Variants in CSMD1 observed in about 807,000 individuals in gnomAD.
The protein encoded by CSMD1 is CUB and sushi domain-containing protein 1.
In CSMD1, 213 loss-of-function variants were observed where a neutral mutation model predicts 417.5. That is an observed-to-expected ratio of 0.51 (90% CI 0.46 to 0.57). The LOEUF is 0.57. CSMD1 is among the 20% of genes least tolerant of loss of function. The pLI is 0.00. For missense variants in CSMD1, 6,923 were observed against 4,529.7 expected, an observed-to-expected ratio of 1.53 and a Z score of -15.17; for synonymous variants, 2,862 against 1,736.8, an observed-to-expected ratio of 1.65 and a Z score of -16.11.
At chr8:4,843,254 T>G (rs1240740713) in intron 1 of CSMD1, among the ~76,000 whole-genome samples, 1 of 152,110 alleles carries the variant, frequency 6.6e-6, no homozygotes, top group Non-Finnish European at 1.5e-5. Flanking sequence ...ATACGATGTC[T>G]CCCTAACCAA....
chr8:4,052,551 G>C (rs1237497064), intron 3 of CSMD1, among the ~76,000 whole-genome samples: 1 of 152,030 alleles, frequency 6.6e-6, no homozygotes, highest in Non-Finnish European at 1.5e-5. Flanking sequence ...CACCAAATTT[G>C]AGGAAGCAAG....
chr8:4,271,192 A>C (rs1423876762), intron 3 of CSMD1, among the ~76,000 whole-genome samples: 1 of 152,136 alleles, frequency 6.6e-6, no homozygotes, highest in East Asian at 1.9e-4. Context: ...ATTTATGGAT[A>C]GATGTAAACA....
intron 3 of CSMD1, among the ~76,000 whole-genome samples, chr8:4,330,987 C>T (rs1220529826): frequency 6.6e-6 from 1 of 152,140 alleles, no homozygotes; most frequent in Non-Finnish European, 1.5e-5. Flanking sequence ...ATACAGCCGC[C>T]TTTGTGTTAC....
intron 2 of CSMD1, among the ~76,000 whole-genome samples, chr8:4,446,111 G>A (rs1798773063): frequency 6.6e-6 from 1 of 152,170 alleles, no homozygotes; most frequent in South Asian, 2.1e-4. Context: ...AGCAAGTTGT[G>A]ATTTTGTTGT....
At chr8:4,496,988 A>G (rs1406921150) in intron 2 of CSMD1, among the ~76,000 whole-genome samples, 1 of 152,196 alleles carries the variant, frequency 6.6e-6, no homozygotes, top group African/African-American at 2.4e-5. Context: ...AAGGGAGACA[A>G]TAAGGCTTGA....
At chr8:3,456,816 G>C (rs552014691) in intron 12 of CSMD1, among the ~76,000 whole-genome samples, 1 of 152,132 alleles carries the variant, frequency 6.6e-6, no homozygotes, top group South Asian at 2.1e-4. Context: ...AAAGGCCAGG[G>C]GTATTCAGAA....
intron 18 of CSMD1, among the ~76,000 whole-genome samples, chr8:3,379,980 T>C (rs1388693446): frequency 1.3e-5 from 2 of 152,120 alleles, no homozygotes; most frequent in African/African-American, 2.4e-5. Flanking sequence ...GAGAAAAATT[T>C]TGCAATCTAT....
At chr8:3,899,740 T>G (rs181882127) in intron 5 of CSMD1, among the ~76,000 whole-genome samples, 1 of 152,170 alleles carries the variant, frequency 6.6e-6, no homozygotes, top group East Asian at 1.9e-4. Flanking sequence ...AGGTTAGCAG[T>G]TGGAAGGGCT....
At chr8:3,976,603 G>C (rs750838000) in intron 5 of CSMD1, among the ~76,000 whole-genome samples, 13 of 152,174 alleles carry the variant, frequency 8.5e-5, no homozygotes, top group Non-Finnish European at 1.3e-4. Context: ...ATTTGCATAA[G>C]CATTAATTAT....
intron 2 of CSMD1, among the ~76,000 whole-genome samples, chr8:4,585,614 T>A (rs554082028): frequency 2.0e-5 from 3 of 152,254 alleles, no homozygotes; most frequent in African/African-American, 7.2e-5. Flanking sequence ...AGAAAAATTT[T>A]AATCATAGAA....
At chr8:4,723,135 C>G (rs996443620) in intron 1 of CSMD1, among the ~76,000 whole-genome samples, 1 of 152,142 alleles carries the variant, frequency 6.6e-6, no homozygotes, top group Non-Finnish European at 1.5e-5. Flanking sequence ...CCATTAAAAT[C>G]TATTTGAGTG....
intron 6 of CSMD1, among the ~76,000 whole-genome samples, chr8:3,709,397 G>C (rs1439445135): frequency 6.6e-6 from 1 of 152,122 alleles, no homozygotes; most frequent in African/African-American, 2.4e-5. Context: ...CTCTGAGCCT[G>C]TGACTCTATG....
chr8:4,694,151 G>A (rs191996861), intron 1 of CSMD1, among the ~76,000 whole-genome samples: 255 of 152,204 alleles, frequency 1.7e-3, no homozygotes, highest in African/African-American at 5.9e-3. Flanking sequence ...TTTCCTTGTG[G>A]ACAAAAGACA....
intron 30 of CSMD1, among the ~76,000 whole-genome samples, chr8:3,211,507 C>G (rs1797604777): frequency 6.6e-6 from 1 of 152,156 alleles, no homozygotes; most frequent in Admixed American, 6.5e-5. Context: ...GGTCATTGCC[C>G]TTTGTTACAT....
rs763804321 is a variant in CSMD1, at chr8:4,764,895, C to CAAT, written c.86-127338_86-127337insATT. On this transcript the variant is annotated intron_variant, in intron 1 of 69. Transcript: ENST00000635120. ...CTCAAAAAAAAAAAAAAAAAAAAAA[C>CAAT]AACAACAACAAAAAAAAACCTTTGC... 6.5e-3 allele frequency among the ~76,000 whole-genome samples: 197 copies of CAAT among 30,492 alleles called. 5 individuals carry two copies. Among genetic ancestry groups the CAAT allele is most frequent in the East Asian group, 0.023 (27 of 1,158 alleles). The allele number at this position is 30,492 out of a possible 152,430, so 20.0% of individuals were successfully genotyped here.
chr8:4,991,705 C>A (rs1181987726), intron 1 of CSMD1, among the ~76,000 whole-genome samples: 3 of 152,108 alleles, frequency 2.0e-5, no homozygotes, highest in Non-Finnish European at 4.4e-5. Flanking sequence ...GGGGGAGGCC[C>A]GACCTTGGTC....
At chr8:4,224,508 A>T (rs1343805705) in intron 3 of CSMD1, among the ~76,000 whole-genome samples, 1 of 152,154 alleles carries the variant, frequency 6.6e-6, no homozygotes, top group Non-Finnish European at 1.5e-5. Flanking sequence ...GTGTCTACTA[A>T]ATGCCCTCTT....
At chr8:2,963,168 C>A (rs992336175) in intron 60 of CSMD1, 54 bp downstream of exon 60, 1 of 1,584,310 alleles carries the variant, frequency 6.3e-7, no homozygotes, top group Non-Finnish European at 8.7e-7. Context: ...CCCTGGTTAT[C>A]CGTCCCTGTT....
chr8:4,565,993 CT>C (rs1179382314), intron 2 of CSMD1, among the ~76,000 whole-genome samples: 1 of 151,534 alleles, frequency 6.6e-6, no homozygotes, highest in African/African-American at 2.4e-5. Context: ...GTCTATTGAA[CT>C]ATTGTTTATT....
Sources: gnomAD v4.1 joint callset for allele counts (sites outside exome capture counted in the v4.1 genomes callset) on GRCh38, gnomAD v4.1.1 for gene constraint, MANE v1.5 for transcripts, NCBI Gene and HGNC (gene_info 2026-07-23, HGNC 2026-07-21) for gene names.